Variants in ELOVL2 observed in about 807,000 individuals in gnomAD.
The protein encoded by ELOVL2 is ELOVL fatty acid elongase 2.
Under a neutral mutation model 37.7 loss-of-function variants are expected in ELOVL2, and 38 were observed. The ratio of observed to expected loss-of-function variants is 1.01; its 90% CI spans 0.78 to 1.32. The LOEUF (loss-of-function observed/expected upper bound fraction) is 1.32. ELOVL2 is among the 40% of genes most tolerant of loss of function. The probability of loss-of-function intolerance (pLI) is 0.00; values close to 1 mark genes in which losing one functional copy is unlikely to be tolerated. For synonymous variants in ELOVL2, 115 were observed against 122.3 expected (o/e 0.94, Z 0.40); for missense variants, 352 against 363.6 (o/e 0.97, Z 0.26).
Position 11,005,531 on chromosome 6 carries a change from C to T in ELOVL2, c.96G>A (p.Leu32=). The change falls in exon 3 of 8, where the codon TTG becomes TTA. Residue 32 remains leucine, a synonymous_variant. Transcript: ENST00000354666. ...RDSRVRGWFM[L]DSYLPTFFLT... ...GAAAAAAGGTAGGAAGGTAAGAGTC[C>T]AACATGAACCACCCTCTGACTCGAG... 6.2e-7 allele frequency: 1 copy of T among 1,613,556 alleles called. No individual in the cohort carries two copies. Among genetic ancestry groups the T allele is most frequent in the Non-Finnish European group, 8.5e-7 (1 of 1,179,790 alleles).
At chr6:11,037,249 GGA>G (rs1384300683) in intron 1 of ELOVL2, among the ~76,000 whole-genome samples, 3 of 150,096 alleles carry the variant, frequency 2.0e-5, no homozygotes, top group Non-Finnish European at 2.9e-5. Flanking sequence ...AGGCAGAGAG[GGA>G]GAGAGAGACG....
At chr6:11,011,502 ATC>A (rs1782583491) in intron 1 of ELOVL2, among the ~76,000 whole-genome samples, 1 of 152,222 alleles carries the variant, frequency 6.6e-6, no homozygotes, top group Admixed American at 6.5e-5. Flanking sequence ...AATAGAGAAC[ATC>A]TGTTTCCACA....
At chr6:11,029,287 G>A (rs1782885269) in intron 1 of ELOVL2, among the ~76,000 whole-genome samples, 1 of 150,258 alleles carries the variant, frequency 6.7e-6, no homozygotes, top group Admixed American at 6.6e-5. Context: ...GCAAAGGGCA[G>A]GAGTTTTACG....
At chr6:11,006,583 C>G (rs1024819107) in intron 2 of ELOVL2, among the ~76,000 whole-genome samples, 1 of 152,228 alleles carries the variant, frequency 6.6e-6, no homozygotes, top group Admixed American at 6.5e-5. Flanking sequence ...AAGTCCCTTT[C>G]TGGTGCATCC....
intron 3 of ELOVL2, among the ~76,000 whole-genome samples, chr6:11,005,119 A>C (rs754273920): frequency 9.2e-5 from 14 of 152,136 alleles, no homozygotes; most frequent in Non-Finnish European, 1.6e-4. Flanking sequence ...AGATTGTGCC[A>C]TTGCCCTCCA....
intron 7 of ELOVL2, among the ~76,000 whole-genome samples, chr6:10,984,173 A>G (rs147215317): frequency 0.017 from 2,526 of 152,176 alleles, 65 homozygotes; most frequent in African/African-American, 0.057. Flanking sequence ...GCACACCACC[A>G]TGCCCGGCTA....
Position 10,986,518 on chromosome 6 carries a change from G to A in ELOVL2, c.766-2612C>T, listed in dbSNP as rs1043949425. ...GACAGCTCTTATTATTTTGAGATAC[G>A]TCCCATCAATACCTAATTTACTGAG... is the stretch of plus-strand genomic sequence containing the variant. On this transcript the variant is annotated intron_variant, in intron 7 of 7. Coordinates refer to ENST00000354666, the MANE Select transcript of ELOVL2 (RefSeq NM_017770.4). Among the ~76,000 whole-genome samples, 468 of 152,206 alleles carry A rather than the reference G, an allele frequency of 3.1e-3. 2 individuals carry two copies. Among genetic ancestry groups the A allele is most frequent in the Non-Finnish European group, 4.6e-3 (315 of 68,020 alleles).
intron 3 of ELOVL2, among the ~76,000 whole-genome samples, chr6:11,002,548 T>G (rs1782406452): frequency 6.6e-6 from 1 of 152,184 alleles, no homozygotes; most frequent in South Asian, 2.1e-4. Context: ...GGTAGTGATT[T>G]TGAACTGAAC....
chr6:10,988,832 C>T (rs1782093905), intron 7 of ELOVL2, among the ~76,000 whole-genome samples: 1 of 152,208 alleles, frequency 6.6e-6, no homozygotes. Flanking sequence ...GGCTTTGAAA[C>T]TGCATTTTGA....
chr6:11,031,575 G>C (rs1425327677), intron 1 of ELOVL2, among the ~76,000 whole-genome samples: 1 of 152,042 alleles, frequency 6.6e-6, no homozygotes, highest in Admixed American at 6.5e-5. Flanking sequence ...ATTTATAAGG[G>C]TCATTTACAC....
chr6:11,030,738 C>T (rs1351889873), intron 1 of ELOVL2, among the ~76,000 whole-genome samples: 3 of 152,090 alleles, frequency 2.0e-5, no homozygotes, highest in Admixed American at 6.5e-5. Flanking sequence ...GTGATCTGCC[C>T]GTCTCAGCCT....
At chr6:10,988,466 A>AG (rs1374454162) in intron 7 of ELOVL2, among the ~76,000 whole-genome samples, 2 of 152,214 alleles carry the variant, frequency 1.3e-5, no homozygotes, top group Non-Finnish European at 2.9e-5. Context: ...TGGGAGGCTG[A>AG]GGCAGGAGAA....
intron 1 of ELOVL2, among the ~76,000 whole-genome samples, chr6:11,023,390 T>C (rs1416159589): frequency 6.6e-6 from 1 of 152,250 alleles, no homozygotes; most frequent in African/African-American, 2.4e-5. Flanking sequence ...AAGGAAAGCT[T>C]TTAATGACTT....
At chr6:11,035,445 C>T (rs919074325) in intron 1 of ELOVL2, among the ~76,000 whole-genome samples, 1 of 152,214 alleles carries the variant, frequency 6.6e-6, no homozygotes, top group African/African-American at 2.4e-5. Context: ...CATGCTCCTT[C>T]TATCCATCCT....
intron 1 of ELOVL2, among the ~76,000 whole-genome samples, chr6:11,037,142 G>C (rs1783022929): frequency 6.8e-6 from 1 of 147,744 alleles, no homozygotes; most frequent in East Asian, 2.3e-4. Context: ...GAGGGAGAGA[G>C]AGACAGAGAG....
rs1781934074 is a variant in ELOVL2, at chr6:10,981,460, T to C, written c.*2321A>G. 6.5e-6 allele frequency: 1 copy of C among 152,678 alleles called. No individual in the cohort carries two copies. Among genetic ancestry groups the C allele is most frequent in the Non-Finnish European group, 1.5e-5 (1 of 68,044 alleles). 9.5% of individuals were successfully genotyped at this position (152,678 alleles called of 1,614,324 possible). ...AATTAGCCCTTGAATGGTTTAAGGC[T>C]ATAAGTGTTTTATGAAGCATCTCTT... On this transcript the variant is annotated 3_prime_UTR_variant, in exon 8 of 8. Coordinates refer to ENST00000354666, the MANE Select transcript of ELOVL2 (RefSeq NM_017770.4).
At chr6:11,033,575 A>G (rs1782964443) in intron 1 of ELOVL2, among the ~76,000 whole-genome samples, 1 of 152,236 alleles carries the variant, frequency 6.6e-6, no homozygotes, top group South Asian at 2.1e-4. Context: ...TTTCAAATCA[A>G]TGAAACAATT....
Position 11,044,134 on chromosome 6 carries a change from G to A in ELOVL2, c.3+94C>T. 7 of 1,346,894 alleles carry A rather than the reference G, an allele frequency of 5.2e-6. No individual in the cohort carries two copies. The highest frequency in any genetic ancestry group is 6.7e-6 in the Non-Finnish European group (7 of 1,038,864). The allele number at this position is 1,346,894 out of a possible 1,614,324, so 83.4% of individuals were successfully genotyped here. On this transcript the variant is annotated intron_variant, in intron 1 of 7. Coordinates refer to ENST00000354666, the MANE Select transcript of ELOVL2 (RefSeq NM_017770.4). This position sits in a 1 kb window ranked among gnomAD's most constrained non-coding sequence, Gnocchi z 5.6. Reference sequence around the variant, plus strand: ...CCAGCGGCGAACCCGCAGCGCCCGCGCCGGCGCCCGCTCGGCCCTTTCCCG... The same window carrying A: ...CCAGCGGCGAACCCGCAGCGCCCGCACCGGCGCCCGCTCGGCCCTTTCCCG...
At chr6:10,999,427 G>T (rs1782334749) in intron 4 of ELOVL2, among the ~76,000 whole-genome samples, 1 of 150,382 alleles carries the variant, frequency 6.6e-6, no homozygotes, top group African/African-American at 2.5e-5. Context: ...TCAGGCTGGA[G>T]TGCAGTGACA....
Sources: allele counts gnomAD v4.1 joint callset (sites outside exome capture counted in the v4.1 genomes callset), GRCh38; gene constraint gnomAD v4.1.1; non-coding constraint Gnocchi (gnomAD v3.1); transcripts MANE v1.5; gene names NCBI Gene and HGNC (gene_info 2026-07-23, HGNC 2026-07-21).